Variants in PVALB observed in about 807,000 individuals in gnomAD.
PVALB encodes the protein parvalbumin alpha.
A neutral mutation model predicts 10.9 loss-of-function variants in PVALB; 11 were observed. That is an observed-to-expected ratio of 1.01 (90% CI 0.63 to 1.67). PVALB has a LOEUF of 1.67. Ranked by LOEUF, PVALB falls within the 40% of genes most tolerant of loss-of-function variation. PVALB has a pLI of 0.00. For synonymous variants in PVALB, 57 were observed against 50.7 expected, an observed-to-expected ratio of 1.12 and a Z score of -0.53; for missense variants, 131 against 136.2, an observed-to-expected ratio of 0.96 and a Z score of 0.19.
At chr22:36,810,133 T>C (rs1403924024) in intron 3 of PVALB, among the ~76,000 whole-genome samples, 3 of 152,182 alleles carry the variant, frequency 2.0e-5, no homozygotes, top group East Asian at 3.8e-4. Flanking sequence ...TCTGCCCGCC[T>C]TGGACTCCCA....
At chr22:36,813,861 G>T in intron 2 of PVALB, 106 bp from the exon 3 acceptor site, 1 of 866,572 alleles carries the variant, frequency 1.2e-6, no homozygotes, top group Non-Finnish European at 1.9e-6. Flanking sequence ...AGGGATGGCT[G>T]GGACAGGCAG....
chr22:36,810,015 G>T (rs1334638074), intron 3 of PVALB, among the ~76,000 whole-genome samples: 1 of 152,122 alleles, frequency 6.6e-6, no homozygotes, highest in Non-Finnish European at 1.5e-5. Flanking sequence ...CTCTTGAGTA[G>T]CTGGGATTAC....
At chr22:36,808,710 C>G (rs1254400787) in intron 3 of PVALB, among the ~76,000 whole-genome samples, 1 of 152,230 alleles carries the variant, frequency 6.6e-6, no homozygotes, top group East Asian at 1.9e-4. Flanking sequence ...CTGACACCCG[C>G]TCCCAGCTGG....
At chr22:36,807,348 G>A (rs1302363024) in intron 3 of PVALB, among the ~76,000 whole-genome samples, 4 of 152,188 alleles carry the variant, frequency 2.6e-5, no homozygotes, top group South Asian at 4.1e-4. Flanking sequence ...ACAAAGCATC[G>A]TGCACCTTAG....
At chr22:36,810,402 C>T (rs984629553) in intron 3 of PVALB, among the ~76,000 whole-genome samples, 8 of 152,188 alleles carry the variant, frequency 5.3e-5, no homozygotes, top group African/African-American at 1.9e-4. Context: ...CATCATTGCA[C>T]CCACCCTTCC....
chr22:36,818,111 G>A (rs1209412063), upstream of PVALB, among the ~76,000 whole-genome samples: 2 of 152,044 alleles, frequency 1.3e-5, no homozygotes, highest in African/African-American at 2.4e-5. Flanking sequence ...TGGACAGGGA[G>A]TCAGGAGGCC....
chr22:36,805,766 C>A (rs192189235), intron 3 of PVALB, among the ~76,000 whole-genome samples: 1 of 151,946 alleles, frequency 6.6e-6, no homozygotes, highest in Admixed American at 6.5e-5. Flanking sequence ...AGTGTTAGTT[C>A]CGCCTCCCGT....
intron 2 of PVALB, 141 bp from the exon 3 acceptor site, chr22:36,813,896 G>T: frequency 2.9e-6 from 2 of 692,724 alleles, no homozygotes; most frequent in Non-Finnish European, 5.2e-6. Flanking sequence ...GCACACGGAT[G>T]CTCTGGGCCA....
intron 2 of PVALB, 132 bp from the exon 3 acceptor site, chr22:36,813,887 C>T: frequency 1.4e-6 from 1 of 720,138 alleles, no homozygotes; most frequent in Non-Finnish European, 2.5e-6. Flanking sequence ...AGCAGTCACG[C>T]ACACGGATGC....
At chr22:36,815,047 C>A (rs1939115075) in intron 2 of PVALB, 56 bp downstream of exon 2, 11 of 1,604,034 alleles carry the variant, frequency 6.9e-6, no homozygotes, top group Admixed American at 6.7e-5. Context: ...GAGTCCCAGC[C>A]CCCACTCCCT....
At chr22:36,802,380 A>T (rs1429505936) in intron 3 of PVALB, among the ~76,000 whole-genome samples, 2 of 151,868 alleles carry the variant, frequency 1.3e-5, no homozygotes, top group African/African-American at 2.4e-5. Flanking sequence ...AGGTGGGCGG[A>T]TCACGAGGTC....
chr22:36,800,844 G>A lies in PVALB; in HGVS notation c.*46C>T, dbSNP rs772080511. ...AGGGTGGCGAGAGGGGCCGAGATTG[G>A]GTGTTCAGGGCAGAGAGGTGGAAGA... On this transcript the variant is annotated 3_prime_UTR_variant, in exon 4 of 4. Coordinates refer to ENST00000417718, the MANE Select transcript of PVALB (RefSeq NM_001315532.2). 2 of 1,564,800 alleles carry A rather than the reference G, an allele frequency of 1.3e-6. No individual in the cohort carries two copies. The highest frequency in any genetic ancestry group is 1.1e-5 in the South Asian group (1 of 90,066).
rs142013245 is a variant in PVALB, at chr22:36,816,952, G to A, written c.54C>T (p.Ala18=). ...NAEDIKKAVG[A]FSATDSFDHK... ...GGGAGCGCGCTTGCTCACCGCTAAA[G>A]GCTCCCACCGCCTTCTTGATGTCCT... Residue 18 remains alanine, a synonymous_variant, in exon 1 of 4, where the codon GCC becomes GCT. Coordinates refer to ENST00000417718, the MANE Select transcript of PVALB (RefSeq NM_001315532.2). 3.7e-6 allele frequency: 6 copies of A among 1,607,646 alleles called. No individual in the cohort carries two copies. In the African/African-American group the frequency reaches 6.7e-5, roughly 18 times the overall value.
intron 3 of PVALB, among the ~76,000 whole-genome samples, chr22:36,808,459 A>G (rs1809853753): frequency 1.3e-5 from 2 of 152,120 alleles, no homozygotes; most frequent in South Asian, 4.1e-4. Flanking sequence ...TGCTACAGAG[A>G]GACCCTGGGC....
At chr22:36,815,023 A>G (rs1448108309) in intron 2 of PVALB, 80 bp downstream of exon 2, 2 of 1,557,124 alleles carry the variant, frequency 1.3e-6, no homozygotes, top group Non-Finnish European at 1.8e-6. Context: ...GGTCTGATGG[A>G]CACTTGGAAG....
intron 1 of PVALB, 31 bp downstream of exon 1, chr22:36,816,914 G>A (rs373842760): frequency 1.3e-6 from 2 of 1,576,648 alleles, no homozygotes; most frequent in Non-Finnish European, 1.7e-6. Context: ...GACGAGGGGA[G>A]AGGGATGGGG....
chr22:36,813,428 C>T, intron 3 of PVALB: 1 of 536,502 alleles, frequency 1.9e-6, no homozygotes, highest in Non-Finnish European at 3.3e-6. Context: ...AGAATCTATT[C>T]CTTTTAGGTT....
rs1403614960 is a variant in PVALB at position 36,816,954 on chromosome 22, C to G, written c.52G>C (p.Ala18Pro). ...NAEDIKKAVG[A>P]FSATDSFDHK... ...GAGCGCGCTTGCTCACCGCTAAAGG[C>G]TCCCACCGCCTTCTTGATGTCCTCA... The change falls in exon 1 of 4, where the codon GCC (alanine) becomes CCC (proline). Residue 18 changes from alanine to proline, a missense_variant. Ala to Pro is a conservative substitution (Grantham distance 27). Coordinates refer to ENST00000417718, the MANE Select transcript of PVALB (RefSeq NM_001315532.2). 2.1e-5 allele frequency: 34 copies of G among 1,608,048 alleles called. No homozygotes were observed. The highest frequency in any genetic ancestry group is 2.9e-5 in the Non-Finnish European group (34 of 1,178,630).
At chr22:36,818,966 C>A (rs1210820731), upstream of PVALB, among the ~76,000 whole-genome samples, 1 of 152,162 alleles carries the variant, frequency 6.6e-6, no homozygotes, top group East Asian at 1.9e-4. Flanking sequence ...TCAACAGGGG[C>A]CCACTCTTCT....
Sources: allele counts gnomAD v4.1 joint callset (sites outside exome capture counted in the v4.1 genomes callset), GRCh38; gene constraint gnomAD v4.1.1; transcripts MANE v1.5; gene names NCBI Gene and HGNC (gene_info 2026-07-23, HGNC 2026-07-21).